The following RASSF2 variants were observed in gnomAD, a reference collection of about 807,000 sequenced individuals.
The protein encoded by RASSF2 is ras association domain-containing protein 2.
Under a neutral mutation model 46.3 loss-of-function variants are expected in RASSF2, and 34 were observed. The ratio of observed to expected loss-of-function variants is 0.73; its 90% confidence interval spans 0.56 to 0.98. The LOEUF (loss-of-function observed/expected upper bound fraction) is 0.98. Among genes scored for constraint, RASSF2 ranks in the 50% least tolerant of loss-of-function variants. The pLI, the probability that RASSF2 is intolerant of heterozygous loss-of-function variation, is 0.00. For synonymous variants in RASSF2, 158 were observed against 162.5 expected, an observed-to-expected ratio of 0.97 and a Z score of 0.21; for missense variants, 364 against 431.2, an observed-to-expected ratio of 0.84 and a Z score of 1.38.
intron 2 of RASSF2, among the ~76,000 whole-genome samples, chr20:4,802,477 G>A (rs1926953945): frequency 6.6e-6 from 1 of 152,090 alleles, no homozygotes; most frequent in South Asian, 2.1e-4. Context: ...CGCATCCAGT[G>A]GAATATTATT....
chr20:4,804,781 G>C (rs978089089), intron 2 of RASSF2, among the ~76,000 whole-genome samples: 2 of 152,134 alleles, frequency 1.3e-5, no homozygotes, highest in Non-Finnish European at 2.9e-5. Context: ...CGTGCTTCAC[G>C]ATGGTGGCTC....
At chr20:4,788,379 G>C in intron 8 of RASSF2, 111 bp from the exon 9 acceptor site, 3 of 946,160 alleles carry the variant, frequency 3.2e-6, no homozygotes, top group Non-Finnish European at 5.1e-6. Context: ...AGGCTGTTTT[G>C]AGGGGAGAGC....
chr20:4,818,000 C>A (rs760301911), intron 2 of RASSF2, among the ~76,000 whole-genome samples: 2 of 152,174 alleles, frequency 1.3e-5, no homozygotes, highest in Non-Finnish European at 2.9e-5. Context: ...GACGCAGTGG[C>A]TCATGCCTGT....
At chr20:4,785,075 C>T (rs766869395) in intron 11 of RASSF2, among the ~76,000 whole-genome samples, 27 of 146,294 alleles carry the variant, frequency 1.8e-4, no homozygotes, top group Non-Finnish European at 2.8e-4. Context: ...TCTGAGAGGC[C>T]GAGGAGGGTG....
At chr20:4,802,254 G>C (rs916804530) in intron 2 of RASSF2, among the ~76,000 whole-genome samples, 1 of 152,144 alleles carries the variant, frequency 6.6e-6, no homozygotes, top group East Asian at 1.9e-4. Context: ...GTTCTTTGTC[G>C]TGGGACTGTC....
At chr20:4,789,149 C>T (rs12624782) in intron 8 of RASSF2, among the ~76,000 whole-genome samples, 17,147 of 152,138 alleles carry the variant, frequency 0.11, 984 homozygotes, top group East Asian at 0.17. Context: ...ATAATTTGCA[C>T]GTCTATTTAA....
intron 2 of RASSF2, among the ~76,000 whole-genome samples, chr20:4,806,132 A>G (rs914956784): frequency 1.3e-5 from 2 of 152,170 alleles, no homozygotes; most frequent in Non-Finnish European, 2.9e-5. Flanking sequence ...GTCCCTGGAG[A>G]AAGAGGAAAA....
At chr20:4,813,597 C>T (rs1885303) in intron 2 of RASSF2, among the ~76,000 whole-genome samples, 55,328 of 152,154 alleles carry the variant, frequency 0.36, 10,192 homozygotes, top group Admixed American at 0.43. Context: ...TCCACAAGTG[C>T]CTGACCTTTA....
At chr20:4,818,743 G>C (rs1206883802) in intron 2 of RASSF2, among the ~76,000 whole-genome samples, 2 of 152,120 alleles carry the variant, frequency 1.3e-5, no homozygotes, top group Non-Finnish European at 2.9e-5. Flanking sequence ...CCTAACCTAA[G>C]AGCAGCCTCT....
At chr20:4,804,519 A>G (rs1487550088) in intron 2 of RASSF2, among the ~76,000 whole-genome samples, 1 of 151,926 alleles carries the variant, frequency 6.6e-6, no homozygotes, top group Non-Finnish European at 1.5e-5. Flanking sequence ...TTGTATTTTT[A>G]GTGGAGACGG....
intron 2 of RASSF2, among the ~76,000 whole-genome samples, chr20:4,807,817 A>G (rs1463461425): frequency 6.6e-6 from 1 of 152,188 alleles, no homozygotes; most frequent in Non-Finnish European, 1.5e-5. Flanking sequence ...GCCTAACCCA[A>G]AGTTGAACTG....
intron 2 of RASSF2, among the ~76,000 whole-genome samples, chr20:4,820,527 A>ATAG (rs1349433347): frequency 1.3e-5 from 2 of 151,902 alleles, no homozygotes; most frequent in Non-Finnish European, 1.5e-5. Flanking sequence ...AATAATAATA[A>ATAG]TAAATATAAA....
intron 2 of RASSF2, among the ~76,000 whole-genome samples, chr20:4,806,201 G>C (rs1293888710): frequency 1.3e-5 from 2 of 152,212 alleles, no homozygotes; most frequent in Non-Finnish European, 2.9e-5. Flanking sequence ...AGGAGGCCAA[G>C]GCCAGCAGAG....
intron 4 of RASSF2, among the ~76,000 whole-genome samples, chr20:4,797,496 TCA>T (rs1926444141): frequency 6.6e-6 from 1 of 152,100 alleles, no homozygotes; most frequent in Admixed American, 6.5e-5. Flanking sequence ...ATGAGTAAGC[TCA>T]GTTTCAGGAT....
intron 2 of RASSF2, among the ~76,000 whole-genome samples, chr20:4,808,814 G>A (rs940443261): frequency 2.0e-5 from 3 of 152,152 alleles, no homozygotes; most frequent in African/African-American, 7.2e-5. Context: ...CTCTTTGGAA[G>A]TCTAAAACAT....
chr20:4,798,498 T>C (rs1926562969), intron 3 of RASSF2, among the ~76,000 whole-genome samples: 1 of 151,596 alleles, frequency 6.6e-6, no homozygotes. Context: ...ACGCTGTGAG[T>C]GAGGAAAGGA....
chr20:4,784,629 A>G (rs1228754424), intron 11 of RASSF2, among the ~76,000 whole-genome samples: 1 of 151,580 alleles, frequency 6.6e-6, no homozygotes, highest in Non-Finnish European at 1.5e-5. Flanking sequence ...AAAAAAAAAC[A>G]ACAGCAATAA....
chr20:4,785,558 G>A (rs908325793), intron 11 of RASSF2, among the ~76,000 whole-genome samples: 3 of 152,116 alleles, frequency 2.0e-5, no homozygotes, highest in African/African-American at 4.8e-5. Flanking sequence ...CCAGAAAGCC[G>A]CTTTATTTTT....
At chr20:4,814,093 T>G (rs779432004) in intron 2 of RASSF2, among the ~76,000 whole-genome samples, 5 of 152,004 alleles carry the variant, frequency 3.3e-5, no homozygotes, top group Non-Finnish European at 5.9e-5. Context: ...CTGAGCCAGT[T>G]TATAGGGTAG....
Sources: gnomAD v4.1 joint callset for allele counts (sites outside exome capture counted in the v4.1 genomes callset) on GRCh38, gnomAD v4.1.1 for gene constraint, MANE v1.5 for transcripts, NCBI Gene and HGNC (gene_info 2026-07-23, HGNC 2026-07-21) for gene names.